ROBO2: variants seen among roughly 807,000 people sequenced by gnomAD.
The protein encoded by ROBO2 is roundabout guidance receptor 2, also known as roundabout homolog 2.
ROBO2 carries 53 observed loss-of-function variants against 160.8 expected under a neutral mutation model. That is an observed-to-expected ratio of 0.33 (90% CI 0.26 to 0.41). The LOEUF is 0.41. Ranked by LOEUF, ROBO2 falls within the 10% of genes least tolerant of loss-of-function variation. The pLI is 1.00. For missense variants in ROBO2, 1,577 were observed against 1,722.4 expected (o/e 0.92, Z 1.49); for synonymous variants, 664 against 611.7 (o/e 1.09, Z -1.26).
At chr3:77,556,485 C>A (rs1379768248) in intron 8 of ROBO2, among the ~76,000 whole-genome samples, 1 of 151,810 alleles carries the variant, frequency 6.6e-6, no homozygotes, top group Non-Finnish European at 1.5e-5. Flanking sequence ...ATCATAAATT[C>A]TAGCTTCAAT....
chr3:76,025,314 C>T (rs1186126559), intron 2 of ROBO2, among the ~76,000 whole-genome samples: 1 of 151,570 alleles, frequency 6.6e-6, no homozygotes, highest in Non-Finnish European at 1.5e-5. Context: ...TGTTACGTAG[C>T]TATGGGAACT....
chr3:77,399,688 C>T (rs1379389875), intron 2 of ROBO2, among the ~76,000 whole-genome samples: 1 of 152,098 alleles, frequency 6.6e-6, no homozygotes, highest in South Asian at 2.1e-4. Flanking sequence ...ATATAGAGTT[C>T]GTGCAGTCTC....
chr3:76,432,129 C>A (rs947273829), intron 2 of ROBO2, among the ~76,000 whole-genome samples: 1 of 152,056 alleles, frequency 6.6e-6, no homozygotes, highest in Non-Finnish European at 1.5e-5. Flanking sequence ...AACTTTATAA[C>A]ACAATTAATA....
At chr3:76,082,856 T>G (rs2068879007) in intron 2 of ROBO2, among the ~76,000 whole-genome samples, 2 of 152,120 alleles carry the variant, frequency 1.3e-5, no homozygotes, top group African/African-American at 2.4e-5. Flanking sequence ...AAATATTTTG[T>G]GAATAAATCA....
chr3:76,220,798 A>G (rs1323798107), intron 2 of ROBO2, among the ~76,000 whole-genome samples: 1 of 152,206 alleles, frequency 6.6e-6, no homozygotes, highest in East Asian at 1.9e-4. Context: ...AGGAGGAAAT[A>G]GGATAATTTT....
chr3:76,127,729 G>A (rs1163497143), intron 2 of ROBO2, among the ~76,000 whole-genome samples: 1 of 151,744 alleles, frequency 6.6e-6, no homozygotes, highest in Non-Finnish European at 1.5e-5. Flanking sequence ...CTTCTTATAG[G>A]TTATAACACT....
chr3:76,109,536 G>A (rs1410576255), intron 2 of ROBO2, among the ~76,000 whole-genome samples: 3 of 151,950 alleles, frequency 2.0e-5, no homozygotes, highest in Admixed American at 1.3e-4. Flanking sequence ...AACTCCACAC[G>A]TAATCATTTA....
chr3:76,442,821 CT>C (rs1047698901), intron 2 of ROBO2, among the ~76,000 whole-genome samples: 6 of 151,912 alleles, frequency 3.9e-5, no homozygotes, highest in African/African-American at 1.5e-4. Context: ...TCAAGTAACC[CT>C]TTTTTAATTA....
intron 2 of ROBO2, among the ~76,000 whole-genome samples, chr3:76,168,793 A>G (rs2072928471): frequency 6.6e-6 from 1 of 152,010 alleles, no homozygotes; most frequent in South Asian, 2.1e-4. Context: ...GTGTAATGCA[A>G]TGTAAAAATT....
At chr3:76,411,753 A>G (rs1303253796) in intron 2 of ROBO2, among the ~76,000 whole-genome samples, 2 of 152,310 alleles carry the variant, frequency 1.3e-5, no homozygotes, top group Non-Finnish European at 2.9e-5. Flanking sequence ...GCATAAGCCT[A>G]AAGTGTTTAA....
exon 26 of ROBO2, chr3:77,646,301 G>C (rs956416605): frequency 7.7e-6 from 3 of 389,456 alleles, no homozygotes; most frequent in African/African-American, 6.2e-5. Flanking sequence ...AACAAAACTC[G>C]CCCTACAGGA....
intron 1 of ROBO2, among the ~76,000 whole-genome samples, chr3:77,072,146 G>A (rs1177219591): frequency 1.3e-5 from 2 of 152,018 alleles, no homozygotes; most frequent in African/African-American, 2.4e-5. Flanking sequence ...CTGTGCATTC[G>A]AGGGCTCTGG....
chr3:76,368,817 C>T (rs76540580), intron 2 of ROBO2, among the ~76,000 whole-genome samples: 1 of 151,852 alleles, frequency 6.6e-6, no homozygotes, highest in Admixed American at 6.6e-5. Flanking sequence ...AGCAGGAATT[C>T]CAATTGAGAC....
chr3:76,653,096 A>G (rs953678340), intron 2 of ROBO2, among the ~76,000 whole-genome samples: 2 of 151,974 alleles, frequency 1.3e-5, no homozygotes, highest in African/African-American at 4.8e-5. Flanking sequence ...TTTGTTTTAC[A>G]TATACCAAAT....
chr3:75,962,711 A>AT (rs541227659), intron 2 of ROBO2, among the ~76,000 whole-genome samples: 1 of 151,750 alleles, frequency 6.6e-6, no homozygotes, highest in Non-Finnish European at 1.5e-5. Context: ...TACAGTCTGT[A>AT]TTTTTTTCTT....
chr3:77,132,769 G>T (rs553137072), intron 2 of ROBO2, among the ~76,000 whole-genome samples: 31 of 151,780 alleles, frequency 2.0e-4, no homozygotes, highest in African/African-American at 7.5e-4. Flanking sequence ...GTGAGGCACT[G>T]GAAAAATGAA....
chr3:76,100,187 G>C (rs1328063196), intron 2 of ROBO2, among the ~76,000 whole-genome samples: 1 of 152,162 alleles, frequency 6.6e-6, no homozygotes, highest in Non-Finnish European at 1.5e-5. Flanking sequence ...TGAAGTCTAG[G>C]TACTGACTGA....
At chr3:76,218,353 G>C (rs1703710568) in intron 2 of ROBO2, among the ~76,000 whole-genome samples, 1 of 152,124 alleles carries the variant, frequency 6.6e-6, no homozygotes, top group Admixed American at 6.5e-5. Context: ...CATTCAATTA[G>C]GAAAAGAGGA....
chr3:77,206,710 C>CT (rs1209261938), intron 2 of ROBO2, among the ~76,000 whole-genome samples: 3 of 151,682 alleles, frequency 2.0e-5, no homozygotes, highest in Admixed American at 6.6e-5. Context: ...TAATGCTAGC[C>CT]TTTTTTGCAT....
Sources: gnomAD v4.1 joint callset for allele counts (sites outside exome capture counted in the v4.1 genomes callset) on GRCh38, gnomAD v4.1.1 for gene constraint, MANE v1.5 for transcripts, NCBI Gene and HGNC (gene_info 2026-07-23, HGNC 2026-07-21) for gene names.